TULP4: variants seen among roughly 807,000 people sequenced by gnomAD.
TULP4 encodes TUB like protein 4.
TULP4 carries 16 observed loss-of-function variants against 129.0 expected under a neutral mutation model. That is an observed-to-expected ratio of 0.12 (90% CI 0.08 to 0.19). The LOEUF (loss-of-function observed/expected upper bound fraction) is 0.19, where lower values mean the gene tolerates loss of function less well. Among genes scored for constraint, TULP4 ranks in the 10% least tolerant of loss-of-function variants. The pLI, the probability that TULP4 is intolerant of heterozygous loss-of-function variation, is 1.00. For missense variants in TULP4, 1,842 were observed against 2,059.1 expected, an observed-to-expected ratio of 0.89 and a Z score of 2.04; for synonymous variants, 998 against 854.0, an observed-to-expected ratio of 1.17 and a Z score of -2.94.
chr6:158,240,313 C>T (rs1258964670), intron 1 of TULP4, among the ~76,000 whole-genome samples: 2 of 87,662 alleles, frequency 2.3e-5, no homozygotes, highest in African/African-American at 7.8e-5. Context: ...CGCCCCTCAC[C>T]TCCCGGACGG....
At position 158,395,410 on chromosome 6, in the gene TULP4, A is replaced by G. The variant is rs1275992067; in HGVS notation, c.253-17655A>G. ...AGCCTGACCAGCATGGAGAAACCCC[A>G]TCTCTACTAAAAATACAAAAATTAG... On this transcript the variant is annotated intron_variant, in intron 1 of 13. Coordinates refer to ENST00000367097, the MANE Select transcript of TULP4 (RefSeq NM_020245.5). Among the ~76,000 whole-genome samples the G allele has an allele frequency of 3.9e-5, 6 of 151,918 alleles. No individual in the cohort carries two copies. The East Asian group carries it at 5.8e-4, about 15-fold the overall frequency.
intron 11 of TULP4, 143 bp downstream of exon 11, chr6:158,494,989 C>A: frequency 1.6e-6 from 1 of 617,390 alleles, no homozygotes; most frequent in Non-Finnish European, 2.7e-6. Context: ...ACCTTAACTT[C>A]ACCACAGTGA....
intron 3 of TULP4, among the ~76,000 whole-genome samples, chr6:158,445,009 T>C (rs1779001861): frequency 6.6e-6 from 1 of 152,138 alleles, no homozygotes. Context: ...GGACAGGGTC[T>C]CACCTTGTTG....
At chr6:158,257,422 CATAA>C (rs1223124504) in intron 1 of TULP4, among the ~76,000 whole-genome samples, 1 of 152,178 alleles carries the variant, frequency 6.6e-6, no homozygotes, top group Non-Finnish European at 1.5e-5. Context: ...GTAAAATATA[CATAA>C]CAAAATATAT....
At chr6:158,384,237 GTAA>G (rs1386926831) in intron 1 of TULP4, among the ~76,000 whole-genome samples, 2 of 150,954 alleles carry the variant, frequency 1.3e-5, no homozygotes, top group Non-Finnish European at 2.9e-5. Flanking sequence ...TTATGACAAG[GTAA>G]TTTAATTTAG....
chr6:158,497,142 C>G (rs1248575804), intron 11 of TULP4, among the ~76,000 whole-genome samples: 1 of 152,228 alleles, frequency 6.6e-6, no homozygotes, highest in Non-Finnish European at 1.5e-5. Flanking sequence ...TGCGAGCTAC[C>G]ATGCTCATCC....
At chr6:158,308,241 A>G (rs1398795635), upstream of TULP4, among the ~76,000 whole-genome samples, 1 of 134,538 alleles carries the variant, frequency 7.4e-6, no homozygotes, top group African/African-American at 2.8e-5. Flanking sequence ...TGTTTAACAA[A>G]GCACATCTTG....
At chr6:158,489,858 A>G (rs1780159577) in intron 9 of TULP4, 126 bp downstream of exon 9, 4 of 1,154,730 alleles carry the variant, frequency 3.5e-6, no homozygotes, top group East Asian at 5.1e-5. Context: ...CTTTTCTTCC[A>G]GAAGATTCCA....
intron 2 of TULP4, among the ~76,000 whole-genome samples, chr6:158,426,752 T>A (rs1267928687): frequency 6.6e-6 from 1 of 152,226 alleles, no homozygotes; most frequent in East Asian, 1.9e-4. Flanking sequence ...TCTGGTTCTA[T>A]GAAGAATGTC....
intron 1 of TULP4, among the ~76,000 whole-genome samples, chr6:158,317,025 T>G (rs1448327044): frequency 6.6e-6 from 1 of 152,162 alleles, no homozygotes; most frequent in East Asian, 1.9e-4. Flanking sequence ...TCACCTCCAC[T>G]CCTGGGGAGG....
intron 1 of TULP4, among the ~76,000 whole-genome samples, chr6:158,298,609 C>G (rs1420790418): frequency 6.6e-6 from 1 of 152,168 alleles, no homozygotes; most frequent in East Asian, 1.9e-4. Flanking sequence ...TATACTTTTC[C>G]TGGAGTCAAA....
At chr6:158,354,361 C>T (rs188646153) in intron 1 of TULP4, among the ~76,000 whole-genome samples, 345 of 152,194 alleles carry the variant, frequency 2.3e-3, no homozygotes, top group Admixed American at 3.9e-3. Flanking sequence ...ATGTCATTAC[C>T]GAACAAGTGA....
At chr6:158,475,769 G>A (rs146790909) in intron 6 of TULP4, among the ~76,000 whole-genome samples, 60 of 152,322 alleles carry the variant, frequency 3.9e-4, no homozygotes, top group African/African-American at 1.4e-3. Flanking sequence ...GTTAGTGAAC[G>A]CCCCGCCCCG....
intron 1 of TULP4, among the ~76,000 whole-genome samples, chr6:158,381,924 T>C (rs895816514): frequency 3.3e-5 from 5 of 152,126 alleles, no homozygotes; most frequent in African/African-American, 1.2e-4. Context: ...TTTTTTGTTA[T>C]TGTTGTTGTT....
intron 1 of TULP4, among the ~76,000 whole-genome samples, chr6:158,298,512 C>T (rs1417091567): frequency 1.3e-5 from 2 of 151,696 alleles, no homozygotes; most frequent in Non-Finnish European, 2.9e-5. Flanking sequence ...GCGATGAAGG[C>T]TTGTTCGTTC....
chr6:158,285,588 T>C (rs781303655), intron 1 of TULP4, among the ~76,000 whole-genome samples: 5 of 152,192 alleles, frequency 3.3e-5, no homozygotes, highest in Non-Finnish European at 4.4e-5. Context: ...CCTGAGATTC[T>C]CTCTGTATGT....
chr6:158,324,032 T>A (rs1779693053), intron 1 of TULP4, among the ~76,000 whole-genome samples: 1 of 152,238 alleles, frequency 6.6e-6, no homozygotes, highest in African/African-American at 2.4e-5. Flanking sequence ...CAGGTAAATT[T>A]ACTGTATTGA....
At chr6:158,411,267 A>G (rs1163928526) in intron 1 of TULP4, among the ~76,000 whole-genome samples, 1 of 152,204 alleles carries the variant, frequency 6.6e-6, no homozygotes, top group Non-Finnish European at 1.5e-5. Flanking sequence ...GCTGTGTGTC[A>G]GTATTCAAAG....
chr6:158,291,935 G>A (rs981353872), intron 1 of TULP4, among the ~76,000 whole-genome samples: 6 of 152,090 alleles, frequency 3.9e-5, no homozygotes, highest in Admixed American at 1.3e-4. Flanking sequence ...ATTATTTAAA[G>A]TTCTGTTTAT....
Sources: gnomAD v4.1 joint callset for allele counts (sites outside exome capture counted in the v4.1 genomes callset) on GRCh38, gnomAD v4.1.1 for gene constraint, MANE v1.5 for transcripts, NCBI Gene and HGNC (gene_info 2026-07-23, HGNC 2026-07-21) for gene names.